FANCD2: variants seen among roughly 807,000 people sequenced by gnomAD.
The protein encoded by FANCD2 is FA complementation group D2.
FANCD2 carries 131 observed loss-of-function variants against 192.3 expected under a neutral mutation model. The ratio of observed to expected loss-of-function variants is 0.68; its 90% CI spans 0.59 to 0.79. The LOEUF (loss-of-function observed/expected upper bound fraction) is 0.79, where lower values mean the gene tolerates loss of function less well. FANCD2 is among the 30% of genes least tolerant of loss of function. FANCD2 has a pLI of 0.00. For missense variants in FANCD2, 1,508 were observed against 1,701.6 expected (o/e 0.89, Z 2.00); for synonymous variants, 524 against 612.5 (o/e 0.86, Z 2.13).
intron 2 of FANCD2, among the ~76,000 whole-genome samples, chr3:10,029,713 T>C (rs1034578424): frequency 1.3e-5 from 2 of 152,204 alleles, no homozygotes; most frequent in African/African-American, 2.4e-5. Flanking sequence ...CCAATGTGTA[T>C]TTTTTCAATC....
Position 10,091,502 on chromosome 3 carries a change from C to T in FANCD2, c.3778-679C>T, listed in dbSNP as rs376076858. Among the ~76,000 whole-genome samples the T allele has an allele frequency of 2.2e-3, 335 of 151,710 alleles. 9 individuals carry two copies. In the South Asian group the frequency reaches 0.044, roughly 20 times the overall value. Reference sequence around the variant, plus strand: ...GAAAAAAAAAAGAAAAAACATATACCGGCTGTAGCTTCTCTGCTTCCCTAT... The same window carrying T: ...GAAAAAAAAAAGAAAAAACATATACTGGCTGTAGCTTCTCTGCTTCCCTAT... On this transcript the variant is annotated intron_variant, in intron 37 of 43. Coordinates refer to ENST00000675286, the MANE Select transcript of FANCD2 (RefSeq NM_001018115.3).
At chr3:10,069,087 G>A (rs2087798695) in intron 26 of FANCD2, among the ~76,000 whole-genome samples, 1 of 152,248 alleles carries the variant, frequency 6.6e-6, no homozygotes, top group South Asian at 2.1e-4. Flanking sequence ...ATTAGAGTGG[G>A]CAAAGATTTC....
At chr3:10,076,303 C>A (rs1693538940) in intron 29 of FANCD2, among the ~76,000 whole-genome samples, 1 of 149,526 alleles carries the variant, frequency 6.7e-6, no homozygotes, top group Non-Finnish European at 1.5e-5. Flanking sequence ...TTTTCCCAAA[C>A]CCTGTGTGTG....
chr3:10,048,189 A>C, intron 16 of FANCD2, 138 bp downstream of exon 16: 1 of 1,107,042 alleles, frequency 9.0e-7, no homozygotes, highest in East Asian at 2.5e-5. Flanking sequence ...TTCTAGTCCC[A>C]GCCTTGATGA....
intron 2 of FANCD2, chr3:10,032,303 G>A (rs1359041259): frequency 9.6e-6 from 4 of 416,694 alleles, no homozygotes; most frequent in Non-Finnish European, 1.4e-5. Flanking sequence ...TTTTAGAGAT[G>A]GGGATTTCAC....
At chr3:10,074,937 A>C (rs190383140) in intron 29 of FANCD2, among the ~76,000 whole-genome samples, 7 of 146,600 alleles carry the variant, frequency 4.8e-5, no homozygotes, top group East Asian at 3.9e-4. Flanking sequence ...ACTACTACTA[A>C]TAAGCTACCT....
At position 10,039,811 on chromosome 3, in the gene FANCD2, G is replaced by T; in HGVS notation, c.661G>T (p.Asp221Tyr). The change falls in exon 9 of 44, where the codon GAT (aspartate) becomes TAT (tyrosine). Residue 221 changes from aspartate (D) to tyrosine (Y), a missense_variant. By Grantham distance (160) the Asp-to-Tyr change is radical. This residue lies in a region of FANCD2 where 435 missense variants were observed against 421.9 expected (regional missense o/e 1.03). Coordinates refer to ENST00000675286, the MANE Select transcript of FANCD2 (RefSeq NM_001018115.3). ...CACCAGCCTACCTGAGATCCTAGGG[G>T]ATTCCCAGCACGCTGATGTGGGGAA... ...IITSLPEILG[D>Y]SQHADVGKEL... is the part of the protein sequence containing the mutation. 4 of 1,613,972 alleles carry T rather than the reference G, an allele frequency of 2.5e-6. No homozygotes were observed. The highest frequency in any genetic ancestry group is 3.4e-6 in the Non-Finnish European group (4 of 1,180,014).
intron 2 of FANCD2, among the ~76,000 whole-genome samples, chr3:10,030,886 C>G (rs2086575650): frequency 6.8e-6 from 1 of 148,020 alleles, no homozygotes; most frequent in Admixed American, 6.6e-5. Flanking sequence ...GGCAACAGAG[C>G]AAGACTCTTA....
At position 10,056,110 on chromosome 3, in the gene FANCD2, C is replaced by G. The variant is rs531015348; in HGVS notation, c.1656+3613C>G. Among the ~76,000 whole-genome samples the G allele has an allele frequency of 3.9e-5, 6 of 152,306 alleles. No homozygotes were observed. In the South Asian group the frequency reaches 1.2e-3, roughly 32 times the overall value. ...GCCAGGCTGGTCTTGAACTCCTCACCTCAGGTGATCCGCCTGCCTCGGCCT... is the reference window on the plus strand; with the variant it reads ...GCCAGGCTGGTCTTGAACTCCTCACGTCAGGTGATCCGCCTGCCTCGGCCT... On this transcript the variant is annotated intron_variant, in intron 18 of 43. Transcript: ENST00000675286.
At position 10,034,534 on chromosome 3, in the gene FANCD2, A is replaced by C. The variant is rs752880741; in HGVS notation, c.271A>C (p.Lys91Gln). Residue 91 changes from lysine (K) to glutamine (Q), a missense_variant and splice_region_variant, in exon 4 of 44, where the codon AAA (lysine) becomes CAA (glutamine). This residue lies in a region of FANCD2 where 435 missense variants were observed against 421.9 expected (regional missense o/e 1.03). Coordinates refer to ENST00000675286, the MANE Select transcript of FANCD2 (RefSeq NM_001018115.3). ...CCTGAGGAGACACCCTTCCTATCCC[A>C]AAGTATGTATTTTTCCCCTGGTATT... Reference protein sequence around the residue: ...QTLRRHPSYPKIIEEFVSGLE... With the variant: ...QTLRRHPSYPQIIEEFVSGLE... 6.2e-7 allele frequency: 1 copy of C among 1,609,802 alleles called. No individual in the cohort carries two copies. The highest frequency in any genetic ancestry group is 1.1e-5 in the South Asian group (1 of 90,994).
chr3:10,028,667 A>C lies in FANCD2; in HGVS notation c.10A>C (p.Lys4Gln). MVS[K>Q]RRLSKSEDKE... ...CAAGACATTGGTCAAAATGGTTTCC[A>C]AAAGAAGACTGTCAAAATCTGAGGA... Residue 4 changes from lysine (K) to glutamine (Q), a missense_variant, in exon 2 of 44, where the codon AAA becomes CAA. Lys to Gln is a moderately conservative substitution (Grantham distance 53). This residue lies in a region of FANCD2 where 435 missense variants were observed against 421.9 expected (regional missense o/e 1.03). Coordinates refer to ENST00000675286, the MANE Select transcript of FANCD2 (RefSeq NM_001018115.3). The C allele has an allele frequency of 6.2e-7, 1 of 1,614,134 alleles. No individual in the cohort carries two copies. Among genetic ancestry groups the C allele is most frequent in the East Asian group, 2.2e-5 (1 of 44,872 alleles).
At chr3:10,059,756 A>G (rs969927637) in intron 18 of FANCD2, among the ~76,000 whole-genome samples, 1 of 152,026 alleles carries the variant, frequency 6.6e-6, no homozygotes, top group African/African-American at 2.4e-5. Flanking sequence ...CAGTGAGCCA[A>G]GATGGCGCCA....
At chr3:10,051,152 G>A (rs1344302316) in intron 17 of FANCD2, among the ~76,000 whole-genome samples, 2 of 150,920 alleles carry the variant, frequency 1.3e-5, no homozygotes, top group African/African-American at 4.9e-5. Flanking sequence ...AGGCCGAGGT[G>A]GGCGGATCAC....
intron 26 of FANCD2, among the ~76,000 whole-genome samples, chr3:10,070,446 C>T (rs1693151173): frequency 7.7e-6 from 1 of 129,936 alleles, no homozygotes; most frequent in Non-Finnish European, 1.7e-5. Flanking sequence ...CCCAGCCGCC[C>T]CTACTGGGAA....
intron 43 of FANCD2, 174 bp downstream of exon 43, chr3:10,098,989 AAC>A (rs764234693): frequency 6.2e-7 from 1 of 1,613,776 alleles, no homozygotes; most frequent in Non-Finnish European, 8.5e-7. Context: ...ACCCAGAAGA[AAC>A]AACGACACAA....
chr3:10,034,218 G>A (rs566627235), intron 3 of FANCD2, among the ~76,000 whole-genome samples: 1 of 92,768 alleles, frequency 1.1e-5, no homozygotes, highest in East Asian at 2.2e-4. Context: ...CAGCTACTTG[G>A]GGGGGCTGAG....
chr3:10,069,505 A>C (rs1429318086), intron 26 of FANCD2, among the ~76,000 whole-genome samples: 1 of 96,436 alleles, frequency 1.0e-5, no homozygotes, highest in Non-Finnish European at 1.8e-5. Context: ...TCTCCCTCTG[A>C]TGCCGAGCCA....
intron 17 of FANCD2, among the ~76,000 whole-genome samples, chr3:10,051,404 AAAAC>A (rs1339054282): frequency 6.6e-4 from 7 of 10,530 alleles, no homozygotes; most frequent in African/African-American, 1.6e-3. Context: ...AAAAAAAAAA[AAAAC>A]AAAAAGGAGT....
chr3:10,074,394 A>G, intron 28 of FANCD2, 136 bp from the exon 29 acceptor site: 1 of 761,520 alleles, frequency 1.3e-6, no homozygotes, highest in East Asian at 2.7e-5. Flanking sequence ...GACTTGGGCT[A>G]GAGGAAGTTG....
Sources: gnomAD v4.1 joint callset for allele counts (sites outside exome capture counted in the v4.1 genomes callset) on GRCh38, gnomAD v4.1.1 for gene constraint, gnomAD v4.1.1 regional missense constraint, MANE v1.5 for transcripts, NCBI Gene and HGNC (gene_info 2026-07-23, HGNC 2026-07-21) for gene names.